The following HS6ST2 variants were observed in gnomAD, a reference collection of about 807,000 sequenced individuals.
HS6ST2 encodes heparan sulfate 6-O-sulfotransferase 2, also known as heparan-sulfate 6-O-sulfotransferase 2.
Under a neutral mutation model 33.0 loss-of-function variants are expected in HS6ST2, and 17 were observed. The ratio of observed to expected loss-of-function variants is 0.52; its 90% CI spans 0.35 to 0.77. HS6ST2 has a LOEUF of 0.77. Among genes scored for constraint, HS6ST2 ranks in the 30% least tolerant of loss-of-function variants. HS6ST2 has a pLI of 0.01. For synonymous variants in HS6ST2, 248 were observed against 237.1 expected, an observed-to-expected ratio of 1.05 and a Z score of -0.42; for missense variants, 519 against 551.7, an observed-to-expected ratio of 0.94 and a Z score of 0.59.
intron 2 of HS6ST2, among the ~76,000 whole-genome samples, chrX:132,806,599 T>C (rs2065286239): frequency 9.1e-6 from 1 of 110,381 alleles, no homozygotes; most frequent in African/African-American, 3.3e-5. Context: ...TCTGCTATGA[T>C]AGAGCAAAAG....
intron 2 of HS6ST2, among the ~76,000 whole-genome samples, chrX:132,836,954 G>A (rs912781027): frequency 8.9e-6 from 1 of 112,014 alleles, no homozygotes; most frequent in Non-Finnish European, 1.9e-5. Flanking sequence ...AGCTTCCACA[G>A]TGTAAAACAA....
chrX:132,661,419 T>C (rs1156436906), intron 4 of HS6ST2, among the ~76,000 whole-genome samples: 1 of 110,831 alleles, frequency 9.0e-6, no homozygotes, highest in Non-Finnish European at 1.9e-5. Flanking sequence ...TAATCAGAAA[T>C]TGAAATAAAA....
At position 132,865,056 on chromosome X, in the gene HS6ST2, C is replaced by T. The variant is rs189246823; in HGVS notation, c.947+91752G>A. On this transcript the variant is annotated intron_variant, in intron 2 of 4. Transcript: ENST00000370833. ...CTTACTTACATATGTATACATGTGT[C>T]ATGCTGGTGCGCTGCACCCACTAAC... 4.6e-4 allele frequency among the ~76,000 whole-genome samples: 50 copies of T among 109,845 alleles called. 1 individual carries two copies. The East Asian group carries it at 0.014, about 31-fold the overall frequency.
chrX:132,792,408 G>T (rs1257187966), intron 2 of HS6ST2, among the ~76,000 whole-genome samples: 1 of 112,281 alleles, frequency 8.9e-6, no homozygotes. Context: ...CCAAAACTAA[G>T]GTTAGGAACT....
chrX:132,855,997 A>G (rs2065849623), intron 2 of HS6ST2, among the ~76,000 whole-genome samples: 1 of 111,458 alleles, frequency 9.0e-6, no homozygotes, highest in Non-Finnish European at 1.9e-5. Flanking sequence ...GTGTTAAATT[A>G]TGGGTCGAAA....
intron 3 of HS6ST2, among the ~76,000 whole-genome samples, chrX:132,696,242 A>T (rs969830425): frequency 1.8e-5 from 2 of 111,743 alleles, no homozygotes; most frequent in Non-Finnish European, 3.8e-5. Context: ...TTGTGTATGC[A>T]TGTATGTGGC....
chrX:132,651,596 T>C (rs1322164347), intron 4 of HS6ST2, among the ~76,000 whole-genome samples: 1 of 112,402 alleles, frequency 8.9e-6, no homozygotes, highest in South Asian at 3.7e-4. Flanking sequence ...CCTTTCCTTC[T>C]TGTTTAACTT....
chrX:132,702,148 T>A, intron 3 of HS6ST2, among the ~76,000 whole-genome samples: 1 of 112,333 alleles, frequency 8.9e-6, no homozygotes, highest in East Asian at 2.8e-4. Context: ...GAAAAGAGAT[T>A]TTGGCTCCGT....
intron 2 of HS6ST2, among the ~76,000 whole-genome samples, chrX:132,955,566 G>A (rs1016176675): frequency 1.8e-5 from 2 of 112,087 alleles, no homozygotes; most frequent in Admixed American, 1.9e-4. Context: ...GTGCACCCGG[G>A]GGATGGGGAT....
At chrX:132,790,082 C>T (rs1245183796) in intron 2 of HS6ST2, among the ~76,000 whole-genome samples, 2 of 112,358 alleles carry the variant, frequency 1.8e-5, no homozygotes. Context: ...AGAAGTTTTA[C>T]TGTGGGTAAA....
chrX:132,801,022 A>G (rs947557134), intron 2 of HS6ST2, among the ~76,000 whole-genome samples: 1 of 111,572 alleles, frequency 9.0e-6, no homozygotes, highest in African/African-American at 3.3e-5. Context: ...TGAGTCCATT[A>G]AATCTCTTTT....
intron 2 of HS6ST2, among the ~76,000 whole-genome samples, chrX:132,753,651 C>G (rs993694807): frequency 1.8e-5 from 2 of 111,589 alleles, no homozygotes; most frequent in African/African-American, 6.5e-5. Context: ...TATAAATTAC[C>G]CAGTTTCGGG....
chrX:132,867,012 C>A (rs1190296494), intron 2 of HS6ST2, among the ~76,000 whole-genome samples: 24 of 85,078 alleles, frequency 2.8e-4, no homozygotes, highest in Non-Finnish European at 5.0e-4. Context: ...ACTTCCAACA[C>A]TATGTTGAAT....
At chrX:132,880,954 A>G (rs1457263256) in intron 2 of HS6ST2, among the ~76,000 whole-genome samples, 1 of 109,394 alleles carries the variant, frequency 9.1e-6, no homozygotes, top group Non-Finnish European at 1.9e-5. Context: ...AAGGACATGC[A>G]CTCATCATTT....
intron 2 of HS6ST2, among the ~76,000 whole-genome samples, chrX:132,807,276 A>G (rs2065292901): frequency 1.8e-5 from 2 of 110,573 alleles, no homozygotes; most frequent in African/African-American, 3.3e-5. Context: ...GGCTCCAAAT[A>G]AAAATTGTAT....
intron 2 of HS6ST2, among the ~76,000 whole-genome samples, chrX:132,954,383 A>AC (rs1390015875): frequency 4.5e-5 from 5 of 110,985 alleles, no homozygotes; most frequent in Admixed American, 9.6e-5. Context: ...CCAGCTTCTC[A>AC]CCCCCACATT....
At chrX:132,869,713 A>T (rs2066037132) in intron 2 of HS6ST2, among the ~76,000 whole-genome samples, 1 of 112,040 alleles carries the variant, frequency 8.9e-6, no homozygotes. Flanking sequence ...ATAAAATTCA[A>T]CATGCCTTCA....
At chrX:132,843,715 C>A (rs2065726297) in intron 2 of HS6ST2, among the ~76,000 whole-genome samples, 2 of 111,309 alleles carry the variant, frequency 1.8e-5, no homozygotes, top group Admixed American at 9.6e-5. Context: ...TCAGAACACT[C>A]CCGAAATGCG....
chrX:132,700,688 G>A (rs993574562), intron 3 of HS6ST2, among the ~76,000 whole-genome samples: 1 of 110,256 alleles, frequency 9.1e-6, no homozygotes, highest in Non-Finnish European at 1.9e-5. Context: ...GAGACTCAAA[G>A]TACTGAGAAC....
Sources: allele counts gnomAD v4.1 joint callset (sites outside exome capture counted in the v4.1 genomes callset), GRCh38; gene constraint gnomAD v4.1.1; transcripts MANE v1.5; gene names NCBI Gene and HGNC (gene_info 2026-07-23, HGNC 2026-07-21).